The following ORC1 variants were observed in gnomAD, a reference collection of about 807,000 sequenced individuals.
ORC1 encodes the protein origin recognition complex subunit 1.
ORC1 carries 61 observed loss-of-function variants against 98.9 expected under a neutral mutation model. That is an observed-to-expected ratio of 0.62 (90% CI 0.50 to 0.76). The LOEUF is 0.76. Among genes scored for constraint, ORC1 ranks in the 30% least tolerant of loss-of-function variants. ORC1 has a pLI of 0.00. For synonymous variants in ORC1, 385 were observed against 406.9 expected (o/e 0.95, Z 0.65); for missense variants, 979 against 1,072.2 (o/e 0.91, Z 1.21).
chr1:52,391,347 T>C (rs2147934413), intron 6 of ORC1, among the ~76,000 whole-genome samples: 1 of 150,140 alleles, frequency 6.7e-6, no homozygotes, highest in Non-Finnish European at 1.5e-5. Flanking sequence ...ATGATAACAT[T>C]GGAAAAAGTC....
At chr1:52,378,785 G>A (rs1417153546) in intron 14 of ORC1, among the ~76,000 whole-genome samples, 1 of 151,778 alleles carries the variant, frequency 6.6e-6, no homozygotes, top group Non-Finnish European at 1.5e-5. Flanking sequence ...TGTAATCCCA[G>A]CACTTTGGGA....
At chr1:52,373,436 C>G in intron 16 of ORC1, 61 bp from the exon 17 acceptor site, 1 of 1,439,690 alleles carries the variant, frequency 6.9e-7, no homozygotes, top group East Asian at 2.3e-5. Context: ...TTTTTCTGTT[C>G]CTTTCTTTCT....
At chr1:52,391,971 G>C (rs1037981376) in intron 6 of ORC1, among the ~76,000 whole-genome samples, 10 of 149,756 alleles carry the variant, frequency 6.7e-5, no homozygotes, top group Non-Finnish European at 1.5e-4. Flanking sequence ...AGAAGATACA[G>C]AAACAGCCAG....
intron 10 of ORC1, 114 bp downstream of exon 10, chr1:52,385,047 G>A: frequency 1.2e-6 from 1 of 802,192 alleles, no homozygotes; most frequent in Non-Finnish European, 2.3e-6. Flanking sequence ...GCAACGATTT[G>A]GTCTAGTCTG....
rs1024167734 is a variant in ORC1, at chr1:52,383,761, C to T, written c.1863+69G>A. The T allele has an allele frequency of 3.6e-6, 5 of 1,404,312 alleles. No individual in the cohort carries two copies. In the Admixed American group the frequency reaches 6.9e-5, roughly 19 times the overall value. The allele number at this position is 1,404,312 out of a possible 1,614,324, so 87.0% of individuals were successfully genotyped here. On this transcript the variant is annotated intron_variant, in intron 12 of 16. Transcript: ENST00000371568. ...GGAGAAGGGAGCCAGGACTTTCCTC[C>T]CTCCCATCCAGCACTTGCTCCTGAG...
At chr1:52,408,563 T>C (rs1252357131), upstream of ORC1, 2 of 1,614,152 alleles carry the variant, frequency 1.2e-6, no homozygotes, top group Non-Finnish European at 1.7e-6. Flanking sequence ...GTCATCTGTC[T>C]CTCAGGTATG....
At chr1:52,379,951 A>AC (rs1294486199) in intron 14 of ORC1, among the ~76,000 whole-genome samples, 1 of 152,158 alleles carries the variant, frequency 6.6e-6, no homozygotes, top group Non-Finnish European at 1.5e-5. Context: ...AACAAAAAAA[A>AC]CAAAGGAAAT....
intron 3 of ORC1, among the ~76,000 whole-genome samples, chr1:52,399,911 T>C (rs1449932072): frequency 6.6e-6 from 1 of 152,104 alleles, no homozygotes; most frequent in African/African-American, 2.4e-5. Flanking sequence ...TATTACAGCA[T>C]ACGATTAGTA....
At chr1:52,408,513 G>T, upstream of ORC1, 5 of 1,612,758 alleles carry the variant, frequency 3.1e-6, no homozygotes, top group Non-Finnish European at 4.2e-6. Flanking sequence ...ACAGCTAGTT[G>T]TAAAACTCAG....
At chr1:52,404,821 C>G, upstream of ORC1, 1 of 1,614,198 alleles carries the variant, frequency 6.2e-7, no homozygotes. Context: ...TGGAGAAGAT[C>G]ATTCGAACGC....
rs1016608352 is a variant in ORC1, at chr1:52,379,811, T to A, written c.2133+1831A>T. 1.9e-4 allele frequency among the ~76,000 whole-genome samples: 29 copies of A among 152,040 alleles called. 1 individual carries two copies. Among genetic ancestry groups the A allele is most frequent in the African/African-American group, 7.0e-4 (29 of 41,410 alleles). On this transcript the variant is annotated intron_variant, in intron 14 of 16. Coordinates refer to ENST00000371568, the MANE Select transcript of ORC1 (RefSeq NM_004153.4). ...AGCTGGGTGTGGTGGTGTGCACCTA[T>A]AGTCCCAGCTACTTGGGAGGCTGAG...
At chr1:52,396,537 A>G (rs1458753286) in intron 4 of ORC1, among the ~76,000 whole-genome samples, 173 bp from the exon 5 acceptor site, 1 of 152,230 alleles carries the variant, frequency 6.6e-6, no homozygotes, top group East Asian at 1.9e-4. Flanking sequence ...AAAACACATA[A>G]TAATGAATAT....
rs755153088 is a variant in ORC1, at chr1:52,373,144, C to A, written c.*37G>T. 2 of 1,606,164 alleles carry A rather than the reference C, an allele frequency of 1.2e-6. No individual in the cohort carries two copies. Among genetic ancestry groups the A allele is most frequent in the South Asian group, 1.1e-5 (1 of 90,640 alleles). On this transcript the variant is annotated 3_prime_UTR_variant, in exon 17 of 17. Transcript: ENST00000371568. ...AAGACCCTGTCTCAAAAAACAAAACCCAGCAAGACCCCAGTCTTTTAACTT... is the reference window on the plus strand; with the variant it reads ...AAGACCCTGTCTCAAAAAACAAAACACAGCAAGACCCCAGTCTTTTAACTT...
intron 6 of ORC1, among the ~76,000 whole-genome samples, chr1:52,389,568 C>A (rs749984724): frequency 2.0e-5 from 3 of 152,166 alleles, no homozygotes; most frequent in Non-Finnish European, 4.4e-5. Context: ...TCACCAACTC[C>A]CCAACTAGAG....
chr1:52,397,110 CA>C (rs1274605507), intron 4 of ORC1, among the ~76,000 whole-genome samples: 2 of 152,170 alleles, frequency 1.3e-5, no homozygotes, highest in African/African-American at 4.8e-5. Flanking sequence ...ATAATCATGC[CA>C]GACGAGAGTC....
chr1:52,384,722 C>T lies in ORC1; in HGVS notation c.1584-1G>A. On this transcript the variant is annotated splice_acceptor_variant, in intron 10 of 16. Coordinates refer to ENST00000371568, the MANE Select transcript of ORC1 (RefSeq NM_004153.4). LOFTEE classifies it high-confidence loss of function. ...AGGGACACCGGAGATGTACATGCAC[C>T]TAGAGCAAGAGAGGAAAACCCGTGG... 1.2e-6 allele frequency: 2 copies of T among 1,613,064 alleles called. No homozygotes were observed. Among genetic ancestry groups the T allele is most frequent in the Non-Finnish European group, 1.7e-6 (2 of 1,179,710 alleles).
At position 52,397,760 on chromosome 1, in the gene ORC1, T is replaced by A. The variant is rs1184543870; in HGVS notation, c.327A>T (p.Ala109=). The part of the protein sequence containing the change: ...KRHLLGRKPG[A]QEIFWYDYPA... ...GGTAATCATACCAGAATATTTCCTG[T>A]GCACCAGGCTTCCGGCCCAACAAAT... Residue 109 remains alanine (A), a synonymous_variant, in exon 4 of 17, where the codon GCA becomes GCT. Coordinates refer to ENST00000371568, the MANE Select transcript of ORC1 (RefSeq NM_004153.4). 6.2e-7 allele frequency: 1 copy of A among 1,614,200 alleles called. No homozygotes were observed. The highest frequency in any genetic ancestry group is 8.5e-7 in the Non-Finnish European group (1 of 1,180,016).
upstream of ORC1, chr1:52,409,368 T>C (rs1283759773): frequency 2.0e-5 from 3 of 152,336 alleles, no homozygotes; most frequent in Non-Finnish European, 1.5e-5. Flanking sequence ...CCCAGCACTT[T>C]AGGAGGCCAA....
intron 7 of ORC1, 119 bp from the exon 8 acceptor site, chr1:52,388,756 G>A: frequency 8.1e-6 from 7 of 860,738 alleles, no homozygotes; most frequent in Non-Finnish European, 1.4e-5. Flanking sequence ...GGTGACATGG[G>A]TGCTTGCTAC....
Sources: gnomAD v4.1 joint callset for allele counts (sites outside exome capture counted in the v4.1 genomes callset) on GRCh38, gnomAD v4.1.1 for gene constraint, MANE v1.5 for transcripts, NCBI Gene and HGNC (gene_info 2026-07-23, HGNC 2026-07-21) for gene names.